TTBK1: variants seen among roughly 807,000 people sequenced by gnomAD.
The protein encoded by TTBK1 is tau tubulin kinase 1.
A neutral mutation model predicts 108.5 loss-of-function variants in TTBK1; 34 were observed. The observed-to-expected ratio is 0.31, with a 90% CI of 0.24 to 0.42. The LOEUF is 0.42. Among genes scored for constraint, TTBK1 ranks in the 10% least tolerant of loss-of-function variants. The probability of loss-of-function intolerance (pLI) is 1.00; values close to 1 mark genes in which losing one functional copy is unlikely to be tolerated. For synonymous variants in TTBK1, 809 were observed against 795.1 expected (o/e 1.02, Z -0.29); for missense variants, 1,539 against 1,826.0 (o/e 0.84, Z 2.86).
At chr6:43,284,394 CA>C in intron 14 of TTBK1, 82 bp downstream of exon 14, 1 of 1,381,402 alleles carries the variant, frequency 7.2e-7, no homozygotes. Flanking sequence ...GAACCAAGGT[CA>C]GGGGCTATGG....
rs543144023 is a variant in TTBK1 at position 43,246,784 on chromosome 6, G to A, written c.108+16G>A. ...CTGGAAGGTGGTGAGTGAGTGACCCGGCGGGACAGAGGGAGGGTAGCGGGG... is the reference window on the plus strand; with the variant it reads ...CTGGAAGGTGGTGAGTGAGTGACCCAGCGGGACAGAGGGAGGGTAGCGGGG... On this transcript the variant is annotated intron_variant, in intron 2 of 14. Transcript: ENST00000259750. The A allele has an allele frequency of 4.4e-6, 7 of 1,598,188 alleles. No individual in the cohort carries two copies. In the South Asian group the frequency reaches 7.9e-5, roughly 18 times the overall value.
At chr6:43,275,697 C>T (rs1777963350) in intron 13 of TTBK1, among the ~76,000 whole-genome samples, 1 of 152,016 alleles carries the variant, frequency 6.6e-6, no homozygotes, top group Non-Finnish European at 1.5e-5. Flanking sequence ...ACCCAACAGC[C>T]CCCTTTTTGC....
chr6:43,282,145 C>G lies in TTBK1; in HGVS notation c.1987-582C>G, dbSNP rs1210635497. On this transcript the variant is annotated intron_variant, in intron 13 of 14. Transcript: ENST00000259750. The surrounding 1 kb of genome is among the most constrained non-coding windows in gnomAD (Gnocchi z 5.4). ...GGTAGAGGACAGCCCCGCCTTTGCC[C>G]TTGTCCAGCACAGGATCTGGTGGCC... is the stretch of plus-strand genomic sequence containing the variant. Among the ~76,000 whole-genome samples the G allele has an allele frequency of 1.3e-5, 2 of 152,220 alleles. No homozygotes were observed. Among genetic ancestry groups the G allele is most frequent in the Non-Finnish European group, 2.9e-5 (2 of 68,040 alleles).
intron 13 of TTBK1, among the ~76,000 whole-genome samples, chr6:43,278,419 C>A (rs1316856787): frequency 6.6e-6 from 1 of 152,140 alleles, no homozygotes; most frequent in Non-Finnish European, 1.5e-5. Context: ...CAGCCGAACC[C>A]TTACCATATA....
intron 13 of TTBK1, among the ~76,000 whole-genome samples, chr6:43,280,320 G>A (rs1778121592): frequency 6.6e-6 from 1 of 152,154 alleles, no homozygotes; most frequent in Admixed American, 6.5e-5. Context: ...CCATAGGTGT[G>A]GCATCCAGGC....
chr6:43,246,051 G>C (rs1002621855), intron 1 of TTBK1, among the ~76,000 whole-genome samples: 17 of 152,194 alleles, frequency 1.1e-4, no homozygotes, highest in African/African-American at 4.1e-4. Context: ...ATCCCCCTCA[G>C]TTAACACCAC....
chr6:43,268,005 G>A (rs1777728570), intron 13 of TTBK1, among the ~76,000 whole-genome samples: 2 of 152,218 alleles, frequency 1.3e-5, no homozygotes, highest in Admixed American at 1.3e-4. Context: ...GTCCATCAGG[G>A]AGATAACAGA....
chr6:43,255,526 A>G (rs1163487748), intron 7 of TTBK1, 26 bp from the exon 8 acceptor site: 11 of 1,568,894 alleles, frequency 7.0e-6, no homozygotes, highest in Non-Finnish European at 9.5e-6. Flanking sequence ...TGAGAGCTGC[A>G]GGTGACTCCC....
At chr6:43,262,055 A>T (rs905595626) in intron 12 of TTBK1, among the ~76,000 whole-genome samples, 1 of 152,180 alleles carries the variant, frequency 6.6e-6, no homozygotes, top group Non-Finnish European at 1.5e-5. Flanking sequence ...ATCAGACAGC[A>T]AAGGGTAGAA....
chr6:43,270,569 C>G (rs899584338), intron 13 of TTBK1: 2 of 985,382 alleles, frequency 2.0e-6, no homozygotes, highest in Admixed American at 1.2e-4. Flanking sequence ...CTTTCTCAGG[C>G]CATCATCATT....
At position 43,286,141 on chromosome 6, in the gene TTBK1, G is replaced by C. The variant is rs1262103727; in HGVS notation, c.*765G>C. 6.6e-6 allele frequency: 1 copy of C among 152,640 alleles called. No individual in the cohort carries two copies. The highest frequency in any genetic ancestry group is 2.4e-5 in the African/African-American group (1 of 41,456). 9.5% of individuals were successfully genotyped at this position (152,640 alleles called of 1,614,324 possible). On this transcript the variant is annotated 3_prime_UTR_variant, in exon 15 of 15. Transcript: ENST00000259750. The surrounding 1 kb of genome is among the most constrained non-coding windows in gnomAD (Gnocchi z 4.6). Reference sequence around the variant, plus strand: ...TGCTCCCCTGCACCTCTGGGGTGCAGAAACCTCTTGCCTCCAGATTTGGGT... The same window carrying C: ...TGCTCCCCTGCACCTCTGGGGTGCACAAACCTCTTGCCTCCAGATTTGGGT...
Position 43,282,936 on chromosome 6 carries a change from GGAGGAA to G in TTBK1, c.2202_2207del (p.Glu739_Glu740del). 1 of 1,612,904 alleles carries G rather than the reference GGAGGAA, an allele frequency of 6.2e-7. No individual in the cohort carries two copies. The highest frequency in any genetic ancestry group is 8.5e-7 in the Non-Finnish European group (1 of 1,179,266). ...CTGTTCAGCCTCAGGCTAATGGGAA[GGAGGAA>G]GAGGAGGAGGAGGAGGAAGATGAGG... On this transcript the variant is annotated inframe_deletion, in exon 14 of 15. Coordinates refer to ENST00000259750, the MANE Select transcript of TTBK1 (RefSeq NM_032538.3). This position sits in a 1 kb window ranked among gnomAD's most constrained non-coding sequence, Gnocchi z 5.4.
Position 43,283,351 on chromosome 6 carries a change from C to T in TTBK1, c.2611C>T (p.Arg871Trp). Residue 871 changes from arginine (R) to tryptophan (W), a missense_variant, in exon 14 of 15, where the codon CGG becomes TGG. Physicochemically the swap from Arg to Trp is moderately radical, Grantham distance 101. This residue lies in a region of TTBK1 where 1,055 missense variants were observed against 1,086.5 expected (regional missense o/e 0.97). Transcript: ENST00000259750. This position sits in a 1 kb window ranked among gnomAD's most constrained non-coding sequence, Gnocchi z 8.1. ...GGCTGCCCTCACTCCTCAGCATGAGCGGCCCCAGCCCACGGGCAGCCAGCT... is the reference window on the plus strand; with the variant it reads ...GGCTGCCCTCACTCCTCAGCATGAGTGGCCCCAGCCCACGGGCAGCCAGCT... ...TLAALTPQHE[R>W]PQPTGSQLDV... The T allele has an allele frequency of 1.3e-6, 2 of 1,591,832 alleles. No individual in the cohort carries two copies. The highest frequency in any genetic ancestry group is 2.3e-5 in the East Asian group (1 of 43,522).
At chr6:43,256,575 C>T (rs748747669) in intron 9 of TTBK1, among the ~76,000 whole-genome samples, 1 of 152,062 alleles carries the variant, frequency 6.6e-6, no homozygotes, top group Non-Finnish European at 1.5e-5. Flanking sequence ...CCTGTTTCTA[C>T]TAAAAATACA....
Position 43,269,599 on chromosome 6 carries a change from G to A in TTBK1, c.1986+6249G>A. 1 of 1,576,864 alleles carries A rather than the reference G, an allele frequency of 6.3e-7. No individual in the cohort carries two copies. Among genetic ancestry groups the A allele is most frequent in the Non-Finnish European group, 8.6e-7 (1 of 1,158,368 alleles). ...CCCCGGAGACGGAGCTGTCGAGTCTGTGCCTGACACCTCTTTTCCCTCCAC... is the reference window on the plus strand; with the variant it reads ...CCCCGGAGACGGAGCTGTCGAGTCTATGCCTGACACCTCTTTTCCCTCCAC... On this transcript the variant is annotated intron_variant, in intron 13 of 14. Coordinates refer to ENST00000259750, the MANE Select transcript of TTBK1 (RefSeq NM_032538.3). The surrounding 1 kb of genome is among the most constrained non-coding windows in gnomAD (Gnocchi z 4.8).
chr6:43,266,125 C>T (rs959202436), intron 13 of TTBK1, among the ~76,000 whole-genome samples: 1 of 152,092 alleles, frequency 6.6e-6, no homozygotes, highest in Non-Finnish European at 1.5e-5. Context: ...GTTTGTGGGC[C>T]TCGGGTTCCC....
intron 13 of TTBK1, among the ~76,000 whole-genome samples, chr6:43,275,893 G>C (rs1777970926): frequency 6.6e-6 from 1 of 152,220 alleles, no homozygotes; most frequent in South Asian, 2.1e-4. Context: ...GCTTCCGTGG[G>C]GGAGGGGGCG....
chr6:43,271,565 C>T (rs1202517621), intron 13 of TTBK1: 6 of 985,170 alleles, frequency 6.1e-6, no homozygotes, highest in Non-Finnish European at 7.2e-6. Context: ...CCCATCAATT[C>T]CCCAGATGTC....
chr6:43,258,755 A>G (rs1478504219), intron 10 of TTBK1, among the ~76,000 whole-genome samples: 1 of 152,242 alleles, frequency 6.6e-6, no homozygotes. Flanking sequence ...AGTGAACGCC[A>G]ATGGAAATCT....
Sources: allele counts gnomAD v4.1 joint callset (sites outside exome capture counted in the v4.1 genomes callset), GRCh38; gene constraint gnomAD v4.1.1; regional missense constraint gnomAD v4.1.1; non-coding constraint Gnocchi (gnomAD v3.1); transcripts MANE v1.5; gene names NCBI Gene and HGNC (gene_info 2026-07-23, HGNC 2026-07-21).